FRMD4A: variants seen among roughly 807,000 people sequenced by gnomAD.
FRMD4A encodes the protein FERM domain containing 4A.
Under a neutral mutation model 129.1 loss-of-function variants are expected in FRMD4A, and 29 were observed. The observed-to-expected ratio is 0.22, with a 90% CI of 0.17 to 0.31. FRMD4A has a LOEUF of 0.31. FRMD4A is among the 10% of genes least tolerant of loss of function. The probability of loss-of-function intolerance (pLI) is 1.00; values close to 1 mark genes in which losing one functional copy is unlikely to be tolerated. For synonymous variants in FRMD4A, 634 were observed against 571.6 expected (o/e 1.11, Z -1.56); for missense variants, 1,272 against 1,375.8 (o/e 0.92, Z 1.19).
intron 3 of FRMD4A, among the ~76,000 whole-genome samples, chr10:13,814,604 A>G (rs1214369304): frequency 3.6e-5 from 5 of 137,946 alleles, no homozygotes; most frequent in South Asian, 2.3e-4. Flanking sequence ...AAAAAAAAAA[A>G]AAAGAAAGAA....
At chr10:14,037,966 G>A (rs1833579635) in intron 2 of FRMD4A, among the ~76,000 whole-genome samples, 2 of 152,102 alleles carry the variant, frequency 1.3e-5, no homozygotes, top group Admixed American at 1.3e-4. Context: ...TCCCAATAAT[G>A]GACACAAGCT....
intron 14 of FRMD4A, among the ~76,000 whole-genome samples, chr10:13,699,097 C>T (rs1176243730): frequency 6.8e-6 from 1 of 146,604 alleles, no homozygotes; most frequent in Non-Finnish European, 1.5e-5. Flanking sequence ...ACTCTGTCAA[C>T]CACGCTGGAG....
chr10:13,992,268 G>T (rs2095606010), intron 2 of FRMD4A, among the ~76,000 whole-genome samples: 1 of 152,208 alleles, frequency 6.6e-6, no homozygotes, highest in Non-Finnish European at 1.5e-5. Context: ...ACAAACACTT[G>T]CTTCTACCTT....
chr10:13,739,191 G>C (rs1163730825), intron 11 of FRMD4A, among the ~76,000 whole-genome samples: 2 of 152,186 alleles, frequency 1.3e-5, no homozygotes, highest in Non-Finnish European at 2.9e-5. Context: ...AGGCAAAAGA[G>C]ATAAATTTTG....
intron 24 of FRMD4A, chr10:13,651,114 TTCGACGTGAATCTTG>T (rs1238754682): frequency 6.6e-6 from 1 of 152,226 alleles, no homozygotes. Context: ...CTTTGCAGAT[TTCGACGTGAATCTTG>T]TTAAATGCAC....
At chr10:14,249,350 T>TCAAAAAAAAAAAAAAAAA (rs1564416620) in intron 2 of FRMD4A, among the ~76,000 whole-genome samples, 18 of 121,426 alleles carry the variant, frequency 1.5e-4, no homozygotes, top group African/African-American at 4.1e-4. Context: ...AGAATCTGTC[T>TCAAAAAAAAAAAAAAAAA]TAAAAAAAAA....
intron 2 of FRMD4A, among the ~76,000 whole-genome samples, chr10:14,179,781 C>T (rs574201387): frequency 2.0e-5 from 3 of 152,316 alleles, no homozygotes; most frequent in East Asian, 1.9e-4. Flanking sequence ...CGCCTGTAAT[C>T]CCAGCGTTTT....
At chr10:13,890,503 C>T (rs2094682787) in intron 2 of FRMD4A, 9 of 974,722 alleles carry the variant, frequency 9.2e-6, no homozygotes, top group Non-Finnish European at 1.1e-5. Flanking sequence ...AAGGGGGGTA[C>T]CAGCAGCTGA....
At chr10:13,898,740 C>T (rs561508505) in intron 2 of FRMD4A, among the ~76,000 whole-genome samples, 23 of 152,182 alleles carry the variant, frequency 1.5e-4, no homozygotes, top group Non-Finnish European at 2.8e-4. Context: ...GTGTACTTGC[C>T]GAGCTGAGGA....
In FRMD4A at chr10:13,975,943, C is replaced by A. The variant is rs369534515; in HGVS notation, c.46-117031G>T. 2.6e-5 allele frequency among the ~76,000 whole-genome samples: 4 copies of A among 152,162 alleles called. No individual in the cohort carries two copies. In the East Asian group the frequency reaches 7.7e-4, roughly 29 times the overall value. The stretch of plus-strand genomic sequence containing the variant: ...TTCATCACTTTCCTTATTCTTTTCT[C>A]AAGAATTATAGAAAATAAGCATCTT... On this transcript the variant is annotated intron_variant, in intron 2 of 24. Coordinates refer to ENST00000357447, the MANE Select transcript of FRMD4A (RefSeq NM_018027.5).
chr10:13,813,865 G>C (rs190483939), intron 3 of FRMD4A, among the ~76,000 whole-genome samples: 1 of 152,352 alleles, frequency 6.6e-6, no homozygotes, highest in African/African-American at 2.4e-5. Flanking sequence ...GTGTAAAGTA[G>C]AAAAATCATA....
At chr10:14,116,105 G>C (rs1838182929) in intron 2 of FRMD4A, among the ~76,000 whole-genome samples, 1 of 152,218 alleles carries the variant, frequency 6.6e-6, no homozygotes, top group Admixed American at 6.5e-5. Flanking sequence ...ATCAGATCAT[G>C]CGTGCCTTAG....
intron 2 of FRMD4A, among the ~76,000 whole-genome samples, chr10:14,012,274 G>T (rs2095685022): frequency 6.6e-6 from 1 of 152,150 alleles, no homozygotes; most frequent in African/African-American, 2.4e-5. Context: ...TGCTTTTGAT[G>T]CCTCAGGGAG....
intron 2 of FRMD4A, among the ~76,000 whole-genome samples, chr10:14,277,844 T>C (rs1017099852): frequency 6.6e-6 from 1 of 152,220 alleles, no homozygotes; most frequent in Admixed American, 6.5e-5. Context: ...AGCTCCGGCA[T>C]TCTCTGACTT....
chr10:14,087,063 A>G (rs927461282), intron 2 of FRMD4A, among the ~76,000 whole-genome samples: 1 of 152,002 alleles, frequency 6.6e-6, no homozygotes, highest in Non-Finnish European at 1.5e-5. Flanking sequence ...TGAACACTGG[A>G]AACTGCCAGG....
At chr10:13,695,333 G>A (rs1012822009) in intron 14 of FRMD4A, among the ~76,000 whole-genome samples, 1 of 152,062 alleles carries the variant, frequency 6.6e-6, no homozygotes, top group African/African-American at 2.4e-5. Context: ...TAGAGACGGG[G>A]TTTTGCCATG....
At chr10:13,649,881 C>T (rs1054412526) in intron 24 of FRMD4A, among the ~76,000 whole-genome samples, 1 of 152,172 alleles carries the variant, frequency 6.6e-6, no homozygotes, top group African/African-American at 2.4e-5. Context: ...AACCTAAAAA[C>T]CTAAGTCAGT....
At chr10:13,782,029 A>C (rs5025431) in intron 6 of FRMD4A, among the ~76,000 whole-genome samples, 146,755 of 152,246 alleles carry the variant, frequency 0.96, 70,845 homozygotes, top group Non-Finnish European at 0.99. Context: ...CACAAATCAC[A>C]ACTAAAGAAC....
intron 2 of FRMD4A, among the ~76,000 whole-genome samples, chr10:13,978,191 G>C (rs1485507843): frequency 2.0e-5 from 3 of 152,160 alleles, no homozygotes; most frequent in Non-Finnish European, 4.4e-5. Flanking sequence ...TTAAGTGGTG[G>C]TGTTCTTGGT....
Sources: gnomAD v4.1 joint callset for allele counts (sites outside exome capture counted in the v4.1 genomes callset) on GRCh38, gnomAD v4.1.1 for gene constraint, MANE v1.5 for transcripts, NCBI Gene and HGNC (gene_info 2026-07-23, HGNC 2026-07-21) for gene names.